Variants in INSC observed in about 807,000 individuals in gnomAD.
The protein encoded by INSC is INSC spindle orientation adaptor protein.
Under a neutral mutation model 58.6 loss-of-function variants are expected in INSC, and 67 were observed. The observed-to-expected ratio is 1.14, with a 90% confidence interval of 0.94 to 1.40. INSC has a LOEUF of 1.40. Ranked by LOEUF, INSC falls within the 40% of genes most tolerant of loss-of-function variation. INSC has a pLI of 0.00. For missense variants in INSC, 714 were observed against 692.0 expected (o/e 1.03, Z -0.36); for synonymous variants, 262 against 276.1 (o/e 0.95, Z 0.51).
intron 2 of INSC, among the ~76,000 whole-genome samples, chr11:15,165,188 G>A (rs150290849): frequency 7.6e-4 from 115 of 152,158 alleles, no homozygotes; most frequent in African/African-American, 2.5e-3. Flanking sequence ...TACTCTGTCA[G>A]TTTTCATGTG....
rs568097087 is a variant in INSC at position 15,218,237 on chromosome 11, A to G, written c.820-3240A>G. ...GATCATAGCCACATGCAACAACAAG[A>G]AGAGGTTTCATAAACAAATACTGAC... On this transcript the variant is annotated intron_variant, in intron 7 of 12. Transcript: ENST00000379556. Among the ~76,000 whole-genome samples, 3 of 152,362 alleles carry G rather than the reference A, an allele frequency of 2.0e-5. No individual in the cohort carries two copies. In the South Asian group the frequency reaches 6.2e-4, roughly 32 times the overall value.
chr11:15,215,456 C>T (rs774178579), intron 7 of INSC, among the ~76,000 whole-genome samples: 13 of 152,186 alleles, frequency 8.5e-5, no homozygotes, highest in South Asian at 2.1e-4. Flanking sequence ...GCTCACCTGG[C>T]CCTTTCACCA....
intron 2 of INSC, among the ~76,000 whole-genome samples, chr11:15,158,857 GTGGT>G (rs1848909053): frequency 1.3e-5 from 1 of 79,742 alleles, no homozygotes; most frequent in African/African-American, 4.7e-5. Flanking sequence ...TGAATTGTTG[GTGGT>G]TTTTTTTTTT....
chr11:15,192,478 T>C (rs927079856), intron 6 of INSC, among the ~76,000 whole-genome samples: 12 of 152,330 alleles, frequency 7.9e-5, no homozygotes, highest in Non-Finnish European at 1.5e-4. Context: ...CCATATTCTA[T>C]TTTGTTATGT....
At chr11:15,150,949 GT>G (rs879723153) in intron 2 of INSC, among the ~76,000 whole-genome samples, 7 of 152,316 alleles carry the variant, frequency 4.6e-5, no homozygotes, top group Admixed American at 4.6e-4. Context: ...CTATGCACCT[GT>G]TTTTTCTTCA....
chr11:15,172,692 A>G (rs1427889543), intron 2 of INSC, among the ~76,000 whole-genome samples: 1 of 152,228 alleles, frequency 6.6e-6, no homozygotes, highest in Non-Finnish European at 1.5e-5. Context: ...GGAGAACTTC[A>G]TGTTCAAGGC....
intron 3 of INSC, among the ~76,000 whole-genome samples, 166 bp from the exon 4 acceptor site, chr11:15,176,945 G>A (rs1432497714): frequency 2.6e-5 from 4 of 152,064 alleles, no homozygotes; most frequent in African/African-American, 7.2e-5. Flanking sequence ...GCAGCCTACC[G>A]TGAGCTCTTT....
At chr11:15,168,345 C>G (rs899910526) in intron 2 of INSC, among the ~76,000 whole-genome samples, 5 of 142,226 alleles carry the variant, frequency 3.5e-5, no homozygotes, top group African/African-American at 1.3e-4. Flanking sequence ...TCAGCTCCCA[C>G]TTATAAGTGA....
chr11:15,206,286 A>G (rs1850794069), intron 7 of INSC, among the ~76,000 whole-genome samples: 1 of 152,162 alleles, frequency 6.6e-6, no homozygotes, highest in African/African-American at 2.4e-5. Flanking sequence ...AGGCAGCACC[A>G]AAGAGGCAAT....
chr11:15,133,520 C>T (rs1848171579), intron 1 of INSC, among the ~76,000 whole-genome samples: 1 of 152,236 alleles, frequency 6.6e-6, no homozygotes, highest in South Asian at 2.1e-4. Context: ...TCTCAACTCT[C>T]ATTGTTGACA....
At chr11:15,116,853 C>CTTTATT in intron 1 of INSC, among the ~76,000 whole-genome samples, 1 of 40,512 alleles carries the variant, frequency 2.5e-5, no homozygotes, top group Non-Finnish European at 4.7e-5. Flanking sequence ...TTCTTTCTCT[C>CTTTATT]TCTCTCTCTC....
At chr11:15,139,068 A>T (rs183207997) in intron 1 of INSC, among the ~76,000 whole-genome samples, 2 of 152,224 alleles carry the variant, frequency 1.3e-5, no homozygotes, top group African/African-American at 4.8e-5. Context: ...TTGTGAAGCT[A>T]TAAGAGATTG....
At chr11:15,214,730 C>A (rs141014174) in intron 7 of INSC, among the ~76,000 whole-genome samples, 42 of 152,178 alleles carry the variant, frequency 2.8e-4, no homozygotes, top group Non-Finnish European at 4.9e-4. Context: ...AGAGCTGGGA[C>A]CTTTAAGAAG....
intron 12 of INSC, among the ~76,000 whole-genome samples, chr11:15,244,391 C>T (rs892714765): frequency 6.6e-6 from 1 of 152,204 alleles, no homozygotes; most frequent in African/African-American, 2.4e-5. Context: ...CGCTCCTTCT[C>T]TTTGACCTGG....
chr11:15,225,887 A>G, intron 9 of INSC, 59 bp downstream of exon 9: 12 of 1,528,108 alleles, frequency 7.9e-6, no homozygotes, highest in Non-Finnish European at 1.1e-5. Flanking sequence ...AGAAGTTAGG[A>G]GGCCAGCACG....
downstream of INSC, among the ~76,000 whole-genome samples, chr11:15,249,726 G>A (rs1852629970): frequency 6.6e-6 from 1 of 152,152 alleles, no homozygotes; most frequent in African/African-American, 2.4e-5. Context: ...AGGTAGAAGA[G>A]TCTCCATCTT....
intron 6 of INSC, among the ~76,000 whole-genome samples, chr11:15,199,020 G>C (rs1268217433): frequency 1.3e-5 from 2 of 152,060 alleles, no homozygotes; most frequent in African/African-American, 4.8e-5. Context: ...TAGGGCTTCT[G>C]CTCTGTGTTC....
At chr11:15,185,732 G>T (rs927305391) in intron 5 of INSC, among the ~76,000 whole-genome samples, 1 of 151,972 alleles carries the variant, frequency 6.6e-6, no homozygotes, top group Non-Finnish European at 1.5e-5. Flanking sequence ...GAATGATGAT[G>T]GTATTAAGTT....
intron 5 of INSC, among the ~76,000 whole-genome samples, chr11:15,185,190 T>C (rs192725153): frequency 1.3e-4 from 20 of 152,324 alleles, no homozygotes; most frequent in Admixed American, 3.3e-4. Flanking sequence ...AAAAATAGTG[T>C]TTGATGATAG....
Sources: gnomAD v4.1 joint callset for allele counts (sites outside exome capture counted in the v4.1 genomes callset) on GRCh38, gnomAD v4.1.1 for gene constraint, MANE v1.5 for transcripts, NCBI Gene and HGNC (gene_info 2026-07-23, HGNC 2026-07-21) for gene names.